The following LRRC27 variants were observed in gnomAD, a reference collection of about 807,000 sequenced individuals.
LRRC27 encodes leucine rich repeat containing 27.
LRRC27 carries 57 observed loss-of-function variants against 55.0 expected under a neutral mutation model. The ratio of observed to expected loss-of-function variants is 1.04; its 90% CI spans 0.84 to 1.29. The LOEUF is 1.29. Ranked by LOEUF, LRRC27 falls within the 50% of genes most tolerant of loss-of-function variation. The pLI is 0.00. For missense variants in LRRC27, 721 were observed against 651.5 expected, an observed-to-expected ratio of 1.11 and a Z score of -1.16; for synonymous variants, 278 against 251.9, an observed-to-expected ratio of 1.10 and a Z score of -0.98.
intron 2 of LRRC27, chr10:132,337,004 A>T: frequency 1.0e-6 from 1 of 980,420 alleles, no homozygotes; most frequent in Non-Finnish European, 1.4e-6. Flanking sequence ...AACGCCACCG[A>T]GTTGATGTGT....
intron 8 of LRRC27, among the ~76,000 whole-genome samples, chr10:132,359,154 C>CCGAGGTGGTGG (rs1564847113): frequency 1.1e-5 from 1 of 87,994 alleles, no homozygotes; most frequent in Admixed American, 1.3e-4. Context: ...GGTGGTGGAG[C>CCGAGGTGGTGG]AGCGTGGGGA....
intron 8 of LRRC27, among the ~76,000 whole-genome samples, chr10:132,360,434 C>G (rs908808905): frequency 1.3e-5 from 2 of 152,130 alleles, no homozygotes; most frequent in African/African-American, 2.4e-5. Context: ...GTTGGAAGAA[C>G]CTTTGGGAGA....
intron 8 of LRRC27, 46 bp from the exon 9 acceptor site, chr10:132,361,411 C>A: frequency 6.7e-7 from 1 of 1,486,506 alleles, no homozygotes. Context: ...TGTGGAAAAA[C>A]ATCATCTACT....
intron 6 of LRRC27, chr10:132,349,077 G>A (rs2067873214): frequency 5.2e-6 from 8 of 1,540,534 alleles, no homozygotes; most frequent in East Asian, 2.3e-5. Flanking sequence ...TGTGGTGTGC[G>A]TGTGTGTGCC....
chr10:132,345,231 TGAAGCCTTGCCAAA>T (rs1355576211), intron 5 of LRRC27, among the ~76,000 whole-genome samples: 1 of 152,238 alleles, frequency 6.6e-6, no homozygotes, highest in African/African-American at 2.4e-5. Flanking sequence ...AGAATCATAA[TGAAGCCTTGCCAAA>T]AAAAGTACAT....
intron 3 of LRRC27, among the ~76,000 whole-genome samples, chr10:132,337,953 A>G (rs2067213634): frequency 6.6e-6 from 1 of 152,224 alleles, no homozygotes; most frequent in Admixed American, 6.5e-5. Flanking sequence ...TTTTTGTCAC[A>G]GCCGATTCCA....
intron 3 of LRRC27, 89 bp downstream of exon 3, chr10:132,337,784 A>G (rs2259600): frequency 0.38 from 554,828 of 1,466,458 alleles, 106,758 homozygotes; most frequent in African/African-American, 0.42. Context: ...ACTCTTGATT[A>G]AATTTTTACC....
Position 132,376,170 on chromosome 10 carries a change from ATTC to A in LRRC27, c.*931_*933del, listed in dbSNP as rs2069335077. Reference sequence around the variant, plus strand: ...GATCCGTAATAATGTCCCCTCTTTTATTCTTGACCTGGTGTTCTTCATCATTCT... The same window carrying A: ...GATCCGTAATAATGTCCCCTCTTTTATTGACCTGGTGTTCTTCATCATTCT... On this transcript the variant is annotated 3_prime_UTR_variant, in exon 11 of 11. Transcript: ENST00000368614. 1 of 152,024 alleles carries A rather than the reference ATTC, an allele frequency of 6.6e-6. No homozygotes were observed. Among genetic ancestry groups the A allele is most frequent in the African/African-American group, 2.4e-5 (1 of 41,378 alleles). The allele number at this position is 152,024 out of a possible 1,614,324, so 9.4% of individuals were successfully genotyped here.
intron 9 of LRRC27, 100 bp from the exon 10 acceptor site, chr10:132,365,324 T>C: frequency 6.6e-7 from 1 of 1,513,832 alleles, no homozygotes; most frequent in South Asian, 1.1e-5. Flanking sequence ...CTGTTTGGTC[T>C]GGGAAGAAAG....
At position 132,372,211 on chromosome 10, in the gene LRRC27, G is replaced by A. The variant is rs554953464; in HGVS notation, c.1417-2855G>A. 6.0e-5 allele frequency among the ~76,000 whole-genome samples: 9 copies of A among 150,824 alleles called. No homozygotes were observed. Among genetic ancestry groups the A allele is most frequent in the Admixed American group, 1.3e-4 (2 of 15,196 alleles). ...GGATGGGAAGTGGGGGTCGGGGTGCGGTGGCTCACGCCTGCAATCCCAGCT... is the reference window on the plus strand; with the variant it reads ...GGATGGGAAGTGGGGGTCGGGGTGCAGTGGCTCACGCCTGCAATCCCAGCT... On this transcript the variant is annotated intron_variant, in intron 10 of 10. Coordinates refer to ENST00000368614, the MANE Select transcript of LRRC27 (RefSeq NM_030626.3). The surrounding 1 kb of genome is among the most constrained non-coding windows in gnomAD (Gnocchi z 4.0).
At chr10:132,331,930 A>T, upstream of LRRC27, 1 of 549,072 alleles carries the variant, frequency 1.8e-6, no homozygotes, top group Non-Finnish European at 2.7e-6. Flanking sequence ...CCCCACCGCA[A>T]GCGCAACCCC....
intron 7 of LRRC27, among the ~76,000 whole-genome samples, chr10:132,353,649 G>A (rs549557078): frequency 4.0e-4 from 61 of 152,290 alleles, no homozygotes; most frequent in Admixed American, 7.2e-4. Context: ...AGTGTGGTCC[G>A]GGCTGCACCA....
upstream of LRRC27, chr10:132,331,854 C>T (rs554325441): frequency 4.9e-6 from 7 of 1,426,964 alleles, no homozygotes; most frequent in African/African-American, 2.8e-5. Context: ...ACGGATGCTA[C>T]CGTTGGCCGC....
intron 9 of LRRC27, among the ~76,000 whole-genome samples, chr10:132,362,196 G>A (rs2068655059): frequency 6.6e-6 from 1 of 152,160 alleles, no homozygotes; most frequent in Non-Finnish European, 1.5e-5. Flanking sequence ...TGGCCAGGGG[G>A]CGGCCAGGCT....
At chr10:132,330,309 T>G, upstream of LRRC27, 1 of 633,804 alleles carries the variant, frequency 1.6e-6, no homozygotes, top group South Asian at 1.7e-5. Context: ...AAATGTTTTA[T>G]TTGTGAAAAG....
At position 132,343,192 on chromosome 10, in the gene LRRC27, G is replaced by A. The variant is rs115259751; in HGVS notation, c.400+921G>A. The stretch of plus-strand genomic sequence containing the variant: ...TAGCCAGGTGCAGTAGTGCATGCCT[G>A]TGTTCCTAGGTACTTAGGAGGCTGA... On this transcript the variant is annotated intron_variant, in intron 4 of 10. Coordinates refer to ENST00000368614, the MANE Select transcript of LRRC27 (RefSeq NM_030626.3). Among the ~76,000 whole-genome samples, 733 of 152,270 alleles carry A rather than the reference G, an allele frequency of 4.8e-3. 8 individuals carry two copies. Among genetic ancestry groups the A allele is most frequent in the African/African-American group, 0.017 (699 of 41,552 alleles).
chr10:132,364,354 T>C (rs2068812935), intron 9 of LRRC27, among the ~76,000 whole-genome samples: 1 of 27,204 alleles, frequency 3.7e-5, no homozygotes, highest in Non-Finnish European at 6.1e-5. Flanking sequence ...TTAATCTACC[T>C]CCACACCCGC....
chr10:132,340,937 G>A (rs2067384451), intron 3 of LRRC27, among the ~76,000 whole-genome samples: 1 of 148,266 alleles, frequency 6.7e-6, no homozygotes, highest in Non-Finnish European at 1.5e-5. Context: ...TAAGTAGAAA[G>A]AAAATTGTCT....
rs1803096116 is a variant in LRRC27 at position 132,372,878 on chromosome 10, A to AGCAGCCC, written c.1417-2187_1417-2181dup. 1.3e-5 allele frequency among the ~76,000 whole-genome samples: 2 copies of AGCAGCCC among 152,314 alleles called. No homozygotes were observed. Among genetic ancestry groups the AGCAGCCC allele is most frequent in the South Asian group, 4.2e-4 (2 of 4,816 alleles). On this transcript the variant is annotated intron_variant, in intron 10 of 10. Coordinates refer to ENST00000368614, the MANE Select transcript of LRRC27 (RefSeq NM_030626.3). The surrounding 1 kb of genome is among the most constrained non-coding windows in gnomAD (Gnocchi z 4.0). ...CAGCCCCAGCCTGCACTGAGCAGCC[A>AGCAGCCC]GCAGCCCACCACCGACACCCCGATC...
Sources: allele counts gnomAD v4.1 joint callset (sites outside exome capture counted in the v4.1 genomes callset), GRCh38; gene constraint gnomAD v4.1.1; non-coding constraint Gnocchi (gnomAD v3.1); transcripts MANE v1.5; gene names NCBI Gene and HGNC (gene_info 2026-07-23, HGNC 2026-07-21).